Variants in KCNMA1 observed in about 807,000 individuals in gnomAD.
KCNMA1 encodes the protein Calcium-activated potassium channel subunit alpha-1.
Under a neutral mutation model 140.0 loss-of-function variants are expected in KCNMA1, and 29 were observed. The observed-to-expected ratio is 0.21, with a 90% CI of 0.15 to 0.28. The LOEUF (loss-of-function observed/expected upper bound fraction) is 0.28. Among genes scored for constraint, KCNMA1 ranks in the 10% least tolerant of loss-of-function variants. The pLI, the probability that KCNMA1 is intolerant of heterozygous loss-of-function variation, is 1.00. For synonymous variants in KCNMA1, 612 were observed against 611.9 expected (o/e 1.00, Z 0.00); for missense variants, 880 against 1,602.2 (o/e 0.55, Z 7.70).
intron 19 of KCNMA1, among the ~76,000 whole-genome samples, chr10:76,990,764 A>AATT (rs1448933139): frequency 1.3e-5 from 2 of 152,168 alleles, no homozygotes; most frequent in Middle Eastern, 3.2e-3. Context: ...CATATGTGGA[A>AATT]ATTTACTCAT....
In KCNMA1 at chr10:77,439,001, G is replaced by A. The variant is rs913666869; in HGVS notation, c.379-34978C>T. Reference sequence around the variant, plus strand: ...TGAAACAGGAGAATGACTTGAACCCGGGAGGCCGAGGCCGAGCCCAGATCA... The same window carrying A: ...TGAAACAGGAGAATGACTTGAACCCAGGAGGCCGAGGCCGAGCCCAGATCA... On this transcript the variant is annotated intron_variant, in intron 1 of 27. Coordinates refer to ENST00000286628, the MANE Select transcript of KCNMA1 (RefSeq NM_001161352.2). Among the ~76,000 whole-genome samples the A allele has an allele frequency of 3.4e-5, 5 of 148,988 alleles. No individual in the cohort carries two copies. In the East Asian group the frequency reaches 6.0e-4, roughly 18 times the overall value.
intron 1 of KCNMA1, among the ~76,000 whole-genome samples, chr10:77,479,415 G>A (rs1261778912): frequency 6.6e-6 from 1 of 152,108 alleles, no homozygotes; most frequent in Non-Finnish European, 1.5e-5. Context: ...CTTCACAAAG[G>A]TTCCATCCTT....
intron 1 of KCNMA1, chr10:77,636,050 C>T: frequency 3.1e-6 from 1 of 323,454 alleles, no homozygotes; most frequent in Non-Finnish European, 5.0e-6. Context: ...CTCGGTTTAA[C>T]TTTACTAGAA....
chr10:77,636,878 G>C (rs956307835), intron 1 of KCNMA1: 5 of 1,424,818 alleles, frequency 3.5e-6, no homozygotes, highest in Non-Finnish European at 4.6e-6. Flanking sequence ...GCAGGTGAGC[G>C]GTGCAAAACA....
chr10:77,532,280 G>A (rs1457428288), intron 1 of KCNMA1, among the ~76,000 whole-genome samples: 1 of 152,162 alleles, frequency 6.6e-6, no homozygotes, highest in African/African-American at 2.4e-5. Flanking sequence ...GTGCTAACAC[G>A]TCATTTGACT....
At chr10:77,211,929 T>A (rs190591103) in intron 3 of KCNMA1, among the ~76,000 whole-genome samples, 2 of 152,178 alleles carry the variant, frequency 1.3e-5, no homozygotes, top group African/African-American at 4.8e-5. Flanking sequence ...TGGCTATTAC[T>A]AAAAAATCAA....
chr10:77,253,059 C>G (rs1375907865), intron 2 of KCNMA1, among the ~76,000 whole-genome samples: 1 of 152,140 alleles, frequency 6.6e-6, no homozygotes. Context: ...CATGAGCAGG[C>G]CTTCGCTTTT....
At chr10:77,403,722 C>A (rs146827910) in intron 2 of KCNMA1, 140 bp downstream of exon 2, 4 of 751,802 alleles carry the variant, frequency 5.3e-6, no homozygotes, top group African/African-American at 3.5e-5. Context: ...CATGACCACG[C>A]GGGAGCACTT....
chr10:76,995,863 C>T (rs1007703367), intron 19 of KCNMA1: 2 of 364,342 alleles, frequency 5.5e-6, no homozygotes, highest in Non-Finnish European at 1.1e-5. Context: ...GAAAGGTGTC[C>T]CATGATGGGG....
intron 13 of KCNMA1, among the ~76,000 whole-genome samples, chr10:77,077,329 T>C (rs1466201234): frequency 1.3e-5 from 2 of 152,224 alleles, no homozygotes; most frequent in Non-Finnish European, 2.9e-5. Flanking sequence ...AAAACTCGAA[T>C]AGTTTGGGAT....
intron 2 of KCNMA1, among the ~76,000 whole-genome samples, chr10:77,399,899 T>C (rs1042149623): frequency 6.6e-6 from 1 of 152,324 alleles, no homozygotes; most frequent in South Asian, 2.1e-4. Context: ...TGAGGTTGTA[T>C]TGGCAAATTC....
rs747382420 is a variant in KCNMA1, at chr10:77,073,180, A to G, written c.1666T>C (p.Leu556=). 22 of 1,614,014 alleles carry G rather than the reference A, an allele frequency of 1.4e-5. No individual in the cohort carries two copies. In the Admixed American group the frequency reaches 3.7e-4, roughly 27 times the overall value. ...AGGCAGCTCTGGGCTATGAAGCCCAACTTCAACTCTGCGAGGCAGATTGCG... is the reference window on the plus strand; with the variant it reads ...AGGCAGCTCTGGGCTATGAAGCCCAGCTTCAACTCTGCGAGGCAGATTGCG... ...DDAICLAELK[L]GFIAQSCLAQ... Residue 556 remains leucine, a synonymous_variant, in exon 14 of 28, where the codon TTG becomes CTG. Transcript: ENST00000286628.
At chr10:77,210,935 A>C (rs939647490) in intron 3 of KCNMA1, among the ~76,000 whole-genome samples, 4 of 152,176 alleles carry the variant, frequency 2.6e-5, no homozygotes, top group Non-Finnish European at 5.9e-5. Context: ...AAATGGAAAA[A>C]CATTTCATGC....
chr10:76,974,009 G>C (rs2153196639), intron 19 of KCNMA1: 1 of 152,902 alleles, frequency 6.5e-6, no homozygotes, highest in East Asian at 1.9e-4. Flanking sequence ...ATTTAAAGGT[G>C]AGTTTATTGG....
chr10:77,327,630 C>G (rs577175411), intron 2 of KCNMA1, among the ~76,000 whole-genome samples: 1 of 152,296 alleles, frequency 6.6e-6, no homozygotes, highest in African/African-American at 2.4e-5. Flanking sequence ...GCTAGGATTA[C>G]AGGTGTGAGC....
chr10:77,334,021 T>C (rs769598446), intron 2 of KCNMA1, among the ~76,000 whole-genome samples: 21 of 152,170 alleles, frequency 1.4e-4, no homozygotes, highest in Non-Finnish European at 3.1e-4. Context: ...TAAGCCCACA[T>C]AGATTTGTTC....
intron 6 of KCNMA1, among the ~76,000 whole-genome samples, chr10:77,118,509 G>A (rs1170510254): frequency 6.6e-6 from 1 of 152,108 alleles, no homozygotes; most frequent in Non-Finnish European, 1.5e-5. Context: ...ATCACAGAAC[G>A]CTTAATGTCC....
intron 1 of KCNMA1, among the ~76,000 whole-genome samples, chr10:77,432,100 A>G (rs2097168003): frequency 1.3e-5 from 2 of 152,102 alleles, no homozygotes. Flanking sequence ...CCAGGCTCCC[A>G]GAGCCACAGC....
At chr10:77,181,556 C>T (rs1023863224) in intron 5 of KCNMA1, among the ~76,000 whole-genome samples, 6 of 152,140 alleles carry the variant, frequency 3.9e-5, no homozygotes, top group African/African-American at 1.2e-4. Context: ...AAATCTTTAT[C>T]TTACAGATGA....
Sources: gnomAD v4.1 joint callset for allele counts (sites outside exome capture counted in the v4.1 genomes callset) on GRCh38, gnomAD v4.1.1 for gene constraint, MANE v1.5 for transcripts, NCBI Gene and HGNC (gene_info 2026-07-23, HGNC 2026-07-21) for gene names.